Variants in RCHY1 observed in about 807,000 individuals in gnomAD.
RCHY1 encodes the protein ring finger and CHY zinc finger domain containing 1.
Under a neutral mutation model 41.6 loss-of-function variants are expected in RCHY1, and 21 were observed. The observed-to-expected ratio is 0.51, with a 90% CI of 0.36 to 0.73. RCHY1 has a LOEUF of 0.73. Ranked by LOEUF, RCHY1 falls within the 30% of genes least tolerant of loss-of-function variation. The pLI is 0.00. For synonymous variants in RCHY1, 79 were observed against 102.9 expected, an observed-to-expected ratio of 0.77 and a Z score of 1.41; for missense variants, 265 against 325.3, an observed-to-expected ratio of 0.81 and a Z score of 1.43.
intron 3 of RCHY1, among the ~76,000 whole-genome samples, chr4:75,498,119 TA>T (rs76668901): frequency 9.7e-4 from 125 of 128,686 alleles, no homozygotes; most frequent in Admixed American, 1.2e-3. Flanking sequence ...TGTAATAGAC[TA>T]AAAAAAAAAA....
At chr4:75,489,644 A>G (rs1284523769) in intron 8 of RCHY1, among the ~76,000 whole-genome samples, 1 of 152,222 alleles carries the variant, frequency 6.6e-6, no homozygotes, top group African/African-American at 2.4e-5. Flanking sequence ...ATACCTAATA[A>G]TAAATAGAAT....
At chr4:75,487,771 T>TAATATATATTC (rs1277928840) in intron 8 of RCHY1, among the ~76,000 whole-genome samples, 4 of 72,454 alleles carry the variant, frequency 5.5e-5, no homozygotes, top group African/African-American at 2.9e-4. Flanking sequence ...TATATATTCA[T>TAATATATATTC]ATATATATTC....
Position 75,491,838 on chromosome 4 carries a change from T to C in RCHY1, c.450+51A>G, listed in dbSNP as rs534214260. On this transcript the variant is annotated intron_variant, in intron 5 of 8. Coordinates refer to ENST00000324439, the MANE Select transcript of RCHY1 (RefSeq NM_015436.4). ...TGAAGACAATATAAACATCCAAGTA[T>C]TTTAAATTCAAGAGCTGAGACTTCC... The C allele has an allele frequency of 1.4e-4, 220 of 1,601,518 alleles. 1 individual carries two copies. In the South Asian group the frequency reaches 2.4e-3, roughly 18 times the overall value.
In RCHY1 at chr4:75,481,987, G is replaced by T. The variant is rs1721558945; in HGVS notation, c.*551C>A. ...ATTGAGCCAAACATAGAAAACTTTGGAAAAAACTTTCTATAAAACAGTTTC... is the reference window on the plus strand; with the variant it reads ...ATTGAGCCAAACATAGAAAACTTTGTAAAAAACTTTCTATAAAACAGTTTC... On this transcript the variant is annotated 3_prime_UTR_variant, in exon 9 of 9. Transcript: ENST00000324439. The T allele has an allele frequency of 9.1e-6, 1 of 109,646 alleles. No homozygotes were observed. Among genetic ancestry groups the T allele is most frequent in the Admixed American group, 9.1e-5 (1 of 10,954 alleles). The allele number at this position is 109,646 out of a possible 1,614,324, so 6.8% of individuals were successfully genotyped here.
intron 3 of RCHY1, among the ~76,000 whole-genome samples, chr4:75,495,223 T>TA (rs574649396): frequency 6.6e-6 from 1 of 152,048 alleles, no homozygotes; most frequent in Non-Finnish European, 1.5e-5. Context: ...TTTTCCTGTA[T>TA]AGCTTATGCT....
chr4:75,492,562 T>C (rs763176548), intron 4 of RCHY1, among the ~76,000 whole-genome samples: 1 of 151,920 alleles, frequency 6.6e-6, no homozygotes. Flanking sequence ...TTTGACAAGA[T>C]GTAATGTCTG....
intron 3 of RCHY1, among the ~76,000 whole-genome samples, chr4:75,496,339 G>A (rs1164821876): frequency 6.6e-6 from 1 of 152,054 alleles, no homozygotes; most frequent in Admixed American, 6.6e-5. Context: ...CTAAGGGTGA[G>A]CTAGGAAGAC....
rs1721370770 is a variant in RCHY1 at position 75,479,619 on chromosome 4, G to GA, written c.*2918dup. On this transcript the variant is annotated 3_prime_UTR_variant, in exon 9 of 9. Transcript: ENST00000324439. ...AAGAAGACCCCAGAAACTAAGAAAT[G>GA]AACAACTTGATATACACTCATTTTT... 2.0e-5 allele frequency: 3 copies of GA among 151,656 alleles called. No homozygotes were observed. Among genetic ancestry groups the GA allele is most frequent in the South Asian group, 4.2e-4 (2 of 4,816 alleles). 9.4% of individuals were successfully genotyped at this position (151,656 alleles called of 1,614,324 possible). A position where few individuals can be genotyped will look rare whatever the true frequency, so the allele number is the denominator to read the frequency against.
intron 3 of RCHY1, among the ~76,000 whole-genome samples, chr4:75,501,189 A>G (rs974678641): frequency 6.6e-6 from 1 of 152,134 alleles, no homozygotes; most frequent in Non-Finnish European, 1.5e-5. Context: ...TTGTATTTTT[A>G]GTAGAGACAG....
chr4:75,500,707 T>C (rs1379406168), intron 3 of RCHY1, among the ~76,000 whole-genome samples: 1 of 152,086 alleles, frequency 6.6e-6, no homozygotes, highest in African/African-American at 2.4e-5. Flanking sequence ...GAAATTTCAG[T>C]AGGAGAGCTA....
At chr4:75,503,150 T>C (rs1374769495) in intron 3 of RCHY1, among the ~76,000 whole-genome samples, 1 of 152,212 alleles carries the variant, frequency 6.6e-6, no homozygotes, top group Non-Finnish European at 1.5e-5. Flanking sequence ...CCCTGGTCTC[T>C]ATCCAGTAGA....
Position 75,479,660 on chromosome 4 carries a change from C to T in RCHY1, c.*2878G>A, listed in dbSNP as rs1305753422. On this transcript the variant is annotated 3_prime_UTR_variant, in exon 9 of 9. Coordinates refer to ENST00000324439, the MANE Select transcript of RCHY1 (RefSeq NM_015436.4). ...ACTCATTTTTTTTTTATACATACAT[C>T]TTTAATGATAAAAGAAGCTGAGATG... The T allele has an allele frequency of 3.3e-5, 5 of 151,832 alleles. No homozygotes were observed. In the East Asian group the frequency reaches 9.6e-4, roughly 29 times the overall value. 9.4% of individuals were successfully genotyped at this position (151,832 alleles called of 1,614,324 possible).
Position 75,498,481 on chromosome 4 carries a change from CAA to C in RCHY1, c.327-4304_327-4303del, listed in dbSNP as rs57789217. ...CCTGAATAGTCAAAGCAATCCTGAG[CAA>C]AAAAAAAAAAAAAAAACATAACTGG... On this transcript the variant is annotated intron_variant, in intron 3 of 8. Transcript: ENST00000324439. Among the ~76,000 whole-genome samples the C allele has an allele frequency of 8.2e-3, 567 of 68,746 alleles. 4 individuals carry two copies. In the East Asian group the frequency reaches 0.13, roughly 16 times the overall value. 45.1% of individuals were successfully genotyped at this position (68,746 alleles called of 152,430 possible).
At chr4:75,496,202 A>G (rs988095822) in intron 3 of RCHY1, among the ~76,000 whole-genome samples, 2 of 152,160 alleles carry the variant, frequency 1.3e-5, no homozygotes, top group Non-Finnish European at 2.9e-5. Flanking sequence ...TATATGAAAC[A>G]GCAGTTTCAC....
In RCHY1 at chr4:75,509,198, T is replaced by C; in HGVS notation, c.189A>G (p.Ile63Met). 6.2e-7 allele frequency: 1 copy of C among 1,612,854 alleles called. No individual in the cohort carries two copies. Among genetic ancestry groups the C allele is most frequent in the South Asian group, 1.1e-5 (1 of 90,976 alleles). The part of the protein sequence containing the change: ...DRFKVKEVQC[I>M]NCEKIQHAQQ... ...TTACATGTTGAATTTTTTCACAGTTTATGCACTGCACTTCCTTCACTTTAA... is the reference window on the plus strand; with the variant it reads ...TTACATGTTGAATTTTTTCACAGTTCATGCACTGCACTTCCTTCACTTTAA... The change falls in exon 2 of 9, where the codon ATA (isoleucine) becomes ATG (methionine). Residue 63 changes from isoleucine to methionine, a missense_variant. Physicochemically the swap from Ile to Met is conservative, Grantham distance 10. Coordinates refer to ENST00000324439, the MANE Select transcript of RCHY1 (RefSeq NM_015436.4).
chr4:75,483,650 T>C (rs1052665106), intron 8 of RCHY1, among the ~76,000 whole-genome samples: 2 of 152,198 alleles, frequency 1.3e-5, no homozygotes, highest in Non-Finnish European at 2.9e-5. Flanking sequence ...ATAGCACACT[T>C]CGGCCTCTAG....
At chr4:75,501,664 T>C (rs1723771882) in intron 3 of RCHY1, among the ~76,000 whole-genome samples, 2 of 152,230 alleles carry the variant, frequency 1.3e-5, no homozygotes, top group African/African-American at 4.8e-5. Context: ...AATTCTGTTA[T>C]TCTATACATT....
At chr4:75,500,411 T>C (rs1162887192) in intron 3 of RCHY1, among the ~76,000 whole-genome samples, 2 of 152,162 alleles carry the variant, frequency 1.3e-5, no homozygotes, top group Non-Finnish European at 2.9e-5. Context: ...ATATGTTCAT[T>C]ACCAAAAAAT....
chr4:75,485,938 T>TA (rs1391658711), intron 8 of RCHY1, among the ~76,000 whole-genome samples: 2 of 152,138 alleles, frequency 1.3e-5, no homozygotes, highest in Non-Finnish European at 2.9e-5. Flanking sequence ...AACACTTGCT[T>TA]GATTTGACTG....
Sources: gnomAD v4.1 joint callset for allele counts (sites outside exome capture counted in the v4.1 genomes callset) on GRCh38, gnomAD v4.1.1 for gene constraint, MANE v1.5 for transcripts, NCBI Gene and HGNC (gene_info 2026-07-23, HGNC 2026-07-21) for gene names.